MED25: variants seen among roughly 807,000 people sequenced by gnomAD.
MED25 encodes mediator complex subunit 25.
Under a neutral mutation model 89.4 loss-of-function variants are expected in MED25, and 62 were observed. The ratio of observed to expected loss-of-function variants is 0.69; its 90% CI spans 0.57 to 0.86. The LOEUF is 0.86. Ranked by LOEUF, MED25 falls within the 40% of genes least tolerant of loss-of-function variation. MED25 has a pLI of 0.00. For missense variants in MED25, 905 were observed against 1,005.2 expected, an observed-to-expected ratio of 0.90 and a Z score of 1.35; for synonymous variants, 449 against 427.9, an observed-to-expected ratio of 1.05 and a Z score of -0.61.
chr19:49,835,868 C>T lies in MED25; in HGVS notation c.1888C>T (p.Pro630Ser), dbSNP rs900142190. 6.2e-7 allele frequency: 1 copy of T among 1,612,634 alleles called. No individual in the cohort carries two copies. Among genetic ancestry groups the T allele is most frequent in the Non-Finnish European group, 8.5e-7 (1 of 1,179,912 alleles). The change falls in exon 16 of 18, where the codon CCT (proline) becomes TCT (serine). Residue 630 changes from proline to serine, a missense_variant. This residue lies in a region of MED25 where 271 missense variants were observed against 258.1 expected (regional missense o/e 1.05). Coordinates refer to ENST00000312865, the MANE Select transcript of MED25 (RefSeq NM_030973.4). This position sits in a 1 kb window ranked among gnomAD's most constrained non-coding sequence, Gnocchi z 6.2. ...TCCTGGAGCAGCTTCTGGCCCACCC[C>T]CTCCTGGACCCATCCTTCGGCCCCA... ...GPPGAASGPPPPGPILRPQNP... is the reference protein window; with the variant it reads ...GPPGAASGPPSPGPILRPQNP...
rs752085649 is a variant in MED25 at position 49,835,010 on chromosome 19, A to G, written c.1507A>G (p.Thr503Ala). 1.9e-5 allele frequency: 31 copies of G among 1,613,918 alleles called. 1 individual carries two copies. The South Asian group carries it at 3.4e-4, about 18-fold the overall frequency. The change falls in exon 14 of 18, where the codon ACG becomes GCG. Residue 503 changes from threonine to alanine, a missense_variant. By Grantham distance (58) the Thr-to-Ala change is moderately conservative (BLOSUM62 0). Transcript: ENST00000312865. The surrounding 1 kb of genome is among the most constrained non-coding windows in gnomAD (Gnocchi z 6.2). ...GFAGCVHFPH[T>A]APCEVRVLML... is the part of the protein sequence containing the mutation. ...GGCGGGCTGCGTGCACTTCCCCCAC[A>G]CGGCGCCCTGTGAGGTGCGCGTGCT...
chr19:49,829,197 T>C lies in MED25; in HGVS notation c.525+107T>C, dbSNP rs1193715690. On this transcript the variant is annotated intron_variant, in intron 5 of 17. Coordinates refer to ENST00000312865, the MANE Select transcript of MED25 (RefSeq NM_030973.4). The surrounding 1 kb of genome is among the most constrained non-coding windows in gnomAD (Gnocchi z 4.6). ...CTCCTGGGTCTGAGGGAGGAGGCAC[T>C]GGGGGCCTGGACTCTTGGGTCTAAG... The C allele has an allele frequency of 3.0e-6, 3 of 988,608 alleles. No individual in the cohort carries two copies. The highest frequency in any genetic ancestry group is 4.7e-6 in the Non-Finnish European group (3 of 644,130). The allele number at this position is 988,608 out of a possible 1,614,324, so 61.2% of individuals were successfully genotyped here.
Position 49,829,670 on chromosome 19 carries a change from A to C in MED25, c.526-116A>C. ...TCTCCTGCCTCAAAGCCCAATGGGA[A>C]TTGTGGTTGTAGGGCTGGTGCCGTC... is the stretch of plus-strand genomic sequence containing the variant. On this transcript the variant is annotated intron_variant, in intron 5 of 17. Coordinates refer to ENST00000312865, the MANE Select transcript of MED25 (RefSeq NM_030973.4). This position sits in a 1 kb window ranked among gnomAD's most constrained non-coding sequence, Gnocchi z 4.6. The C allele has an allele frequency of 9.1e-7, 1 of 1,099,584 alleles. No individual in the cohort carries two copies. Among genetic ancestry groups the C allele is most frequent in the Non-Finnish European group, 1.3e-6 (1 of 759,104 alleles). The allele number at this position is 1,099,584 out of a possible 1,614,324, so 68.1% of individuals were successfully genotyped here.
chr19:49,833,950 A>G (rs1269042434), intron 13 of MED25: 3 of 152,186 alleles, frequency 2.0e-5, no homozygotes, highest in African/African-American at 4.8e-5. Flanking sequence ...AGCTATTGGG[A>G]TTGGTTTCAT....
chr19:49,835,708 CT>C lies in MED25; in HGVS notation c.1747-18del, dbSNP rs1568625492. On this transcript the variant is annotated intron_variant, in intron 15 of 17. Coordinates refer to ENST00000312865, the MANE Select transcript of MED25 (RefSeq NM_030973.4). This position sits in a 1 kb window ranked among gnomAD's most constrained non-coding sequence, Gnocchi z 6.2. ...GAGGCCCTGCCCATCTCCCTCACCC[CT>C]GTGTCTCTTCCCACCAGCTCCAGCT... 9 of 1,605,282 alleles carry C rather than the reference CT, an allele frequency of 5.6e-6. No homozygotes were observed. Among genetic ancestry groups the C allele is most frequent in the Admixed American group, 1.7e-5 (1 of 59,412 alleles).
chr19:49,838,987 C>T (rs910855811), downstream of MED25: 14 of 345,080 alleles, frequency 4.1e-5, no homozygotes, highest in East Asian at 1.5e-4. Flanking sequence ...CTGTTGAGAC[C>T]GTTATTTAAG....
rs201460460 is a variant in MED25 at position 49,819,277 on chromosome 19, A to G, written c.286A>G (p.Thr96Ala). The G allele has an allele frequency of 1.9e-5, 30 of 1,613,754 alleles. No homozygotes were observed. The Admixed American group carries it at 3.5e-4, about 19-fold the overall frequency. Residue 96 changes from threonine (T) to alanine (A), a missense_variant, in exon 3 of 18, where the codon ACC becomes GCC. This residue lies in a region of MED25 where 501 missense variants were observed against 526.9 expected (regional missense o/e 0.95). Transcript: ENST00000312865. Reference protein sequence around the residue: ...APTSSAYEFVTWLDGIKFMGG... With the variant: ...APTSSAYEFVAWLDGIKFMGG... ...CACCAGCAGCGCCTATGAGTTTGTC[A>G]CCTGGCTCGATGGCATTAAGTGAGC...
rs766289585 is a variant in MED25 at position 49,835,561 on chromosome 19, C to T, written c.1702C>T (p.Leu568=). The T allele has an allele frequency of 1.5e-5, 23 of 1,567,234 alleles. No individual in the cohort carries two copies. In the South Asian group the frequency reaches 1.8e-4, roughly 12 times the overall value. Residue 568 remains leucine, a synonymous_variant, in exon 15 of 18, where the codon CTG becomes TTG. Coordinates refer to ENST00000312865, the MANE Select transcript of MED25 (RefSeq NM_030973.4). The surrounding 1 kb of genome is among the most constrained non-coding windows in gnomAD (Gnocchi z 6.2). ...GGGGGGACAGCAGGCACCCCCAGGG[C>T]TGGGGCCCATTCTGGAGGACCAAGC... The part of the protein sequence containing the change: ...GMGGQQAPPG[L]GPILEDQARP...
At chr19:49,819,962 A>C (rs1206248627) in intron 3 of MED25, 1 of 152,874 alleles carries the variant, frequency 6.5e-6, no homozygotes, top group Non-Finnish European at 1.4e-5. Context: ...AGTAGCTGGG[A>C]TTACAGGCAC....
downstream of MED25, chr19:49,839,899 G>C (rs1465730448): frequency 6.6e-6 from 1 of 152,194 alleles, no homozygotes; most frequent in Admixed American, 6.5e-5. Context: ...GTTGGCAGAT[G>C]TTTCTTGTGT....
intron 3 of MED25, among the ~76,000 whole-genome samples, chr19:49,824,057 C>T (rs2074000142): frequency 6.6e-6 from 1 of 151,968 alleles, no homozygotes; most frequent in African/African-American, 2.4e-5. Flanking sequence ...TTCTTGAGGC[C>T]CAGGTCCAAG....
At chr19:49,837,290 A>G (rs1323563816), downstream of MED25, among the ~76,000 whole-genome samples, 1 of 152,238 alleles carries the variant, frequency 6.6e-6, no homozygotes, top group Admixed American at 6.5e-5. Context: ...CTGGGAGGGA[A>G]GGAGGTGAGG....
downstream of MED25, chr19:49,839,978 G>A (rs2074123258): frequency 6.6e-6 from 1 of 152,262 alleles, no homozygotes; most frequent in African/African-American, 2.4e-5. Context: ...ACAAGTCTGT[G>A]TGAAGATGGT....
At position 49,824,888 on chromosome 19, in the gene MED25, G is replaced by A. The variant is rs544834602; in HGVS notation, c.306-3561G>A. ...CAGGCACCTGTTAGCCGATGAAAGC[G>A]GGCAGCAGAGACCCCGGGGAATGAT... is the stretch of plus-strand genomic sequence containing the variant. On this transcript the variant is annotated intron_variant, in intron 3 of 17. Transcript: ENST00000312865. Among the ~76,000 whole-genome samples, 6 of 152,270 alleles carry A rather than the reference G, an allele frequency of 3.9e-5. No individual in the cohort carries two copies. The South Asian group carries it at 6.2e-4, about 16-fold the overall frequency.
downstream of MED25, chr19:49,838,459 T>C (rs1309230355): frequency 2.4e-6 from 1 of 411,716 alleles, no homozygotes; most frequent in South Asian, 1.8e-5. Flanking sequence ...CACCACTCCC[T>C]CTTGGCTTCC....
At chr19:49,838,797 A>G (rs924776429), downstream of MED25, 3 of 452,112 alleles carry the variant, frequency 6.6e-6, no homozygotes, top group African/African-American at 4.0e-5. Flanking sequence ...TCCTCAACGA[A>G]CTGAAAAAGG....
chr19:49,820,272 G>T (rs758724981), intron 3 of MED25, among the ~76,000 whole-genome samples: 1 of 152,220 alleles, frequency 6.6e-6, no homozygotes, highest in Non-Finnish European at 1.5e-5. Flanking sequence ...TTCACAAAAG[G>T]GGGTGGGCTA....
intron 3 of MED25, among the ~76,000 whole-genome samples, chr19:49,824,645 A>G (rs2074004442): frequency 6.6e-6 from 1 of 152,098 alleles, no homozygotes; most frequent in African/African-American, 2.4e-5. Context: ...TTCCCATAAC[A>G]TTATGACAAC....
intron 3 of MED25, among the ~76,000 whole-genome samples, chr19:49,827,597 G>A (rs903712998): frequency 3.3e-5 from 5 of 152,152 alleles, no homozygotes; most frequent in African/African-American, 1.2e-4. Context: ...ACAGACACCA[G>A]CCATAGTGGA....
Sources: allele counts gnomAD v4.1 joint callset (sites outside exome capture counted in the v4.1 genomes callset), GRCh38; gene constraint gnomAD v4.1.1; regional missense constraint gnomAD v4.1.1; non-coding constraint Gnocchi (gnomAD v3.1); transcripts MANE v1.5; gene names NCBI Gene and HGNC (gene_info 2026-07-23, HGNC 2026-07-21).